The following FAM20B variants were observed in gnomAD, a reference collection of about 807,000 sequenced individuals.
The protein encoded by FAM20B is FAM20B glycosaminoglycan xylosylkinase.
Under a neutral mutation model 43.8 loss-of-function variants are expected in FAM20B, and 23 were observed. That is an observed-to-expected ratio of 0.53 (90% CI 0.38 to 0.74). FAM20B has a LOEUF of 0.74. Ranked by LOEUF, FAM20B falls within the 30% of genes least tolerant of loss-of-function variation. The pLI is 0.00. For synonymous variants in FAM20B, 178 were observed against 192.4 expected (o/e 0.93, Z 0.62); for missense variants, 440 against 510.5 (o/e 0.86, Z 1.33).
chr1:179,034,631 A>T (rs191281805), intron 1 of FAM20B, among the ~76,000 whole-genome samples: 1 of 152,330 alleles, frequency 6.6e-6, no homozygotes, highest in Admixed American at 6.5e-5. Flanking sequence ...ATACTCACCA[A>T]ACCTTCAGAG....
In FAM20B at chr1:179,072,877, A is replaced by G. The variant is rs1372813284; in HGVS notation, c.*733A>G. ...ATCTTAAGGTGTATAAAAAGCAAAC[A>G]TGACTTTGCACCTAAGTAAATTCTG... is the stretch of plus-strand genomic sequence containing the variant. On this transcript the variant is annotated 3_prime_UTR_variant, in exon 8 of 8. Coordinates refer to ENST00000263733, the MANE Select transcript of FAM20B (RefSeq NM_014864.4). 3.9e-5 allele frequency: 6 copies of G among 152,246 alleles called. No homozygotes were observed. Among genetic ancestry groups the G allele is most frequent in the Non-Finnish European group, 7.3e-5 (5 of 68,036 alleles). 9.4% of individuals were successfully genotyped at this position (152,246 alleles called of 1,614,324 possible). A position where few individuals can be genotyped will look rare whatever the true frequency, so the allele number is the denominator to read the frequency against.
At chr1:179,048,276 G>C (rs1413578244) in intron 2 of FAM20B, among the ~76,000 whole-genome samples, 2 of 152,164 alleles carry the variant, frequency 1.3e-5, no homozygotes, top group African/African-American at 4.8e-5. Flanking sequence ...TTTTACAGGT[G>C]AGAAAAATGA....
At chr1:179,068,331 T>C (rs55697941) in intron 7 of FAM20B, among the ~76,000 whole-genome samples, 5,605 of 152,264 alleles carry the variant, frequency 0.037, 146 homozygotes, top group Non-Finnish European at 0.054. Context: ...CAATCAAGAA[T>C]TGTGTGTTTG....
intron 1 of FAM20B, among the ~76,000 whole-genome samples, chr1:179,039,172 A>T (rs371939795): frequency 6.6e-6 from 1 of 152,184 alleles, no homozygotes; most frequent in South Asian, 2.1e-4. Flanking sequence ...TCTTCTTGTC[A>T]TCTTTGTCTT....
chr1:179,050,663 T>C (rs1650968274), intron 3 of FAM20B, among the ~76,000 whole-genome samples: 1 of 152,242 alleles, frequency 6.6e-6, no homozygotes, highest in Admixed American at 6.5e-5. Flanking sequence ...AATCTCTGAA[T>C]TGAACTGGTC....
At chr1:179,038,300 A>C (rs1015567404) in intron 1 of FAM20B, among the ~76,000 whole-genome samples, 3 of 151,952 alleles carry the variant, frequency 2.0e-5, no homozygotes, top group Non-Finnish European at 4.4e-5. Context: ...AATCCCAGCT[A>C]CTTGGGAGGC....
chr1:179,024,762 G>T (rs1227925690), upstream of FAM20B, among the ~76,000 whole-genome samples: 3 of 152,120 alleles, frequency 2.0e-5, no homozygotes. Flanking sequence ...ATATACAGAC[G>T]AATAACACCT....
At chr1:179,051,787 C>T (rs1162107450) in intron 3 of FAM20B, among the ~76,000 whole-genome samples, 1 of 152,092 alleles carries the variant, frequency 6.6e-6, no homozygotes, top group Non-Finnish European at 1.5e-5. Flanking sequence ...GCTGGGACTA[C>T]AGGTACGCAC....
chr1:179,039,941 A>G (rs1650412590), intron 1 of FAM20B, among the ~76,000 whole-genome samples: 1 of 152,014 alleles, frequency 6.6e-6, no homozygotes, highest in South Asian at 2.1e-4. Context: ...ACTCTTAACG[A>G]GCATGCTGCC....
chr1:179,054,007 T>A (rs929674169), intron 3 of FAM20B, among the ~76,000 whole-genome samples: 8 of 152,174 alleles, frequency 5.3e-5, no homozygotes, highest in Admixed American at 3.3e-4. Flanking sequence ...TTCATTTTTT[T>A]AAAATAAATC....
chr1:179,023,605 C>T (rs555088799), upstream of FAM20B, among the ~76,000 whole-genome samples: 1 of 152,308 alleles, frequency 6.6e-6, no homozygotes, highest in African/African-American at 2.4e-5. Flanking sequence ...TGAATGTATG[C>T]ATCAGTGAAT....
At position 179,072,207 on chromosome 1, in the gene FAM20B, CA is replaced by C; in HGVS notation, c.*66del. 7.6e-7 allele frequency: 1 copy of C among 1,320,438 alleles called. No homozygotes were observed. Among genetic ancestry groups the C allele is most frequent in the Middle Eastern group, 1.8e-4 (1 of 5,502 alleles). 81.8% of individuals were successfully genotyped at this position (1,320,438 alleles called of 1,614,324 possible). On this transcript the variant is annotated 3_prime_UTR_variant, in exon 8 of 8. Coordinates refer to ENST00000263733, the MANE Select transcript of FAM20B (RefSeq NM_014864.4). Reference sequence around the variant, plus strand: ...GATAGAGAAACAGCACAATCAATTCCAAATGGTATGAGATGGATTGGAAGTG... The same window carrying C: ...GATAGAGAAACAGCACAATCAATTCCAATGGTATGAGATGGATTGGAAGTG...
At chr1:179,055,427 A>C (rs556238822) in intron 4 of FAM20B, among the ~76,000 whole-genome samples, 82 of 152,354 alleles carry the variant, frequency 5.4e-4, no homozygotes, top group Non-Finnish European at 2.8e-4. Flanking sequence ...GTGGATTTAC[A>C]TTTAAAATGA....
In FAM20B at chr1:179,050,329, G is replaced by A. The variant is rs1195081651; in HGVS notation, c.428G>A (p.Arg143Lys). ...VEGEPYAGYD[R>K]HNAEVAAFHL... ...GGGGAACCGTATGCTGGTTATGATA[G>A]ACACAATGCAGAGGTAGCAGCCTTT... is the stretch of plus-strand genomic sequence containing the variant. Residue 143 changes from arginine (R) to lysine (K), a missense_variant, in exon 3 of 8, where the codon AGA becomes AAA. Coordinates refer to ENST00000263733, the MANE Select transcript of FAM20B (RefSeq NM_014864.4). 8 of 1,613,946 alleles carry A rather than the reference G, an allele frequency of 5.0e-6. No individual in the cohort carries two copies. Among genetic ancestry groups the A allele is most frequent in the African/African-American group, 1.3e-5 (1 of 74,936 alleles).
chr1:179,067,888 C>T (rs1013699462), intron 7 of FAM20B, among the ~76,000 whole-genome samples: 8 of 152,064 alleles, frequency 5.3e-5, no homozygotes, highest in African/African-American at 1.4e-4. Flanking sequence ...CTCAGCCTCC[C>T]GAGTAGCTGG....
Position 179,064,476 on chromosome 1 carries a change from C to A in FAM20B, c.918C>A (p.Ile306=), listed in dbSNP as rs1288165744. The change falls in exon 6 of 8, where the codon ATC becomes ATA. Residue 306 remains isoleucine, a synonymous_variant. Transcript: ENST00000263733. ...ATGATGAAGGCGCTAGTATGCTCAT[C>A]CTTCTTGATAATGCCAAAAGGTGAG... ...FQDDEGASML[I]LLDNAKSFGN... is the part of the protein sequence containing the mutation. 2 of 1,613,306 alleles carry A rather than the reference C, an allele frequency of 1.2e-6. No individual in the cohort carries two copies. Among genetic ancestry groups the A allele is most frequent in the Admixed American group, 3.3e-5 (2 of 59,964 alleles).
intron 1 of FAM20B, among the ~76,000 whole-genome samples, chr1:179,037,519 CTG>C (rs1008418525): frequency 2.4e-5 from 3 of 126,902 alleles, no homozygotes; most frequent in Non-Finnish European, 1.6e-5. Context: ...GAGCCTCACT[CTG>C]TCGCTCAGGC....
chr1:179,067,284 A>C (rs1223047885), intron 7 of FAM20B, among the ~76,000 whole-genome samples: 18 of 152,208 alleles, frequency 1.2e-4, no homozygotes, highest in Admixed American at 1.1e-3. Context: ...AAATTGTCTA[A>C]ACCAAAAGTA....
At chr1:179,056,284 C>T (rs1457912658) in intron 4 of FAM20B, among the ~76,000 whole-genome samples, 1 of 152,194 alleles carries the variant, frequency 6.6e-6, no homozygotes, top group East Asian at 1.9e-4. Flanking sequence ...CTATGTTCCA[C>T]CTATTCATCA....
Sources: gnomAD v4.1 joint callset for allele counts (sites outside exome capture counted in the v4.1 genomes callset) on GRCh38, gnomAD v4.1.1 for gene constraint, MANE v1.5 for transcripts, NCBI Gene and HGNC (gene_info 2026-07-23, HGNC 2026-07-21) for gene names.